The following SLTM variants were observed in gnomAD, a reference collection of about 807,000 sequenced individuals.
The protein encoded by SLTM is SAFB like transcription modulator.
A neutral mutation model predicts 134.6 loss-of-function variants in SLTM; 43 were observed. That is an observed-to-expected ratio of 0.32 (90% CI 0.25 to 0.41). The LOEUF is 0.41. SLTM is among the 10% of genes least tolerant of loss of function. The probability of loss-of-function intolerance (pLI) is 1.00; values close to 1 mark genes in which losing one functional copy is unlikely to be tolerated. For missense variants in SLTM, 1,055 were observed against 1,288.8 expected, an observed-to-expected ratio of 0.82 and a Z score of 2.78; for synonymous variants, 424 against 432.3, an observed-to-expected ratio of 0.98 and a Z score of 0.24.
intron 8 of SLTM, chr15:58,897,471 A>G: frequency 2.6e-6 from 1 of 378,626 alleles, no homozygotes; most frequent in Non-Finnish European, 4.8e-6. Flanking sequence ...AAAAAAATCA[A>G]TTACATGTCT....
chr15:58,921,983 C>CAGGCT (rs1306968767), intron 2 of SLTM, among the ~76,000 whole-genome samples: 1 of 152,012 alleles, frequency 6.6e-6, no homozygotes, highest in Non-Finnish European at 1.5e-5. Context: ...GCATGTTGAC[C>CAGGCT]AGGCTAGTCT....
At chr15:58,884,260 A>G (rs151057673) in intron 19 of SLTM, among the ~76,000 whole-genome samples, 63 of 152,298 alleles carry the variant, frequency 4.1e-4, no homozygotes, top group African/African-American at 1.4e-3. Context: ...TCTATTTTGT[A>G]GTGAGAAGCT....
intron 2 of SLTM, among the ~76,000 whole-genome samples, chr15:58,920,876 AC>A (rs2036994590): frequency 6.6e-6 from 1 of 151,924 alleles, no homozygotes; most frequent in African/African-American, 2.4e-5. Flanking sequence ...AATCCTTTGA[AC>A]CCGGGAGGTG....
intron 20 of SLTM, among the ~76,000 whole-genome samples, chr15:58,882,513 C>T (rs1595816671): frequency 1.3e-5 from 2 of 152,006 alleles, no homozygotes; most frequent in South Asian, 4.1e-4. Context: ...AAACAGACTC[C>T]CTCAAAATAA....
At chr15:58,909,123 G>T (rs887685543) in intron 5 of SLTM, among the ~76,000 whole-genome samples, 6 of 152,144 alleles carry the variant, frequency 3.9e-5, no homozygotes, top group African/African-American at 1.4e-4. Context: ...AAGAAGAAAT[G>T]CCTAATTATA....
chr15:58,926,358 A>G (rs576771683), intron 2 of SLTM, among the ~76,000 whole-genome samples: 21 of 152,290 alleles, frequency 1.4e-4, no homozygotes, highest in African/African-American at 4.3e-4. Flanking sequence ...AAAGGGGGGA[A>G]AAAACCTTTA....
intron 19 of SLTM, among the ~76,000 whole-genome samples, chr15:58,885,241 G>C (rs2034085307): frequency 6.6e-6 from 1 of 152,160 alleles, no homozygotes; most frequent in African/African-American, 2.4e-5. Context: ...GAGATCTATG[G>C]AAAGAGAAAG....
chr15:58,902,064 C>T (rs1478038156), intron 5 of SLTM, among the ~76,000 whole-genome samples: 1 of 152,068 alleles, frequency 6.6e-6, no homozygotes, highest in Admixed American at 6.6e-5. Flanking sequence ...AATGTGCTAG[C>T]TTAAAAACAG....
Position 58,879,895 on chromosome 15 carries a change from G to T in SLTM, c.*104C>A. 2.9e-6 allele frequency: 4 copies of T among 1,363,918 alleles called. No individual in the cohort carries two copies. The highest frequency in any genetic ancestry group is 3.9e-6 in the Non-Finnish European group (4 of 1,026,618). The allele number at this position is 1,363,918 out of a possible 1,614,324, so 84.5% of individuals were successfully genotyped here. On this transcript the variant is annotated 3_prime_UTR_variant, in exon 21 of 21. Coordinates refer to ENST00000380516, the MANE Select transcript of SLTM (RefSeq NM_024755.4). The stretch of plus-strand genomic sequence containing the variant: ...GTTAAATTTTTAAAAAGAAAAGTCT[G>T]ACAGAACTCTCAAGCAAGTCAGAGG...
At chr15:58,921,441 C>T (rs2037037901) in intron 2 of SLTM, 2 of 184,262 alleles carry the variant, frequency 1.1e-5, no homozygotes, top group South Asian at 1.7e-4. Context: ...AAATGTGAGA[C>T]TCACTTGCCC....
chr15:58,908,387 G>C (rs934184984), intron 5 of SLTM, among the ~76,000 whole-genome samples: 1 of 151,960 alleles, frequency 6.6e-6, no homozygotes, highest in Non-Finnish European at 1.5e-5. Flanking sequence ...TGTTTTTTGA[G>C]ATAGGGTCTT....
rs780121631 is a variant in SLTM, at chr15:58,913,484, A to C, written c.513+15T>G. On this transcript the variant is annotated intron_variant, in intron 4 of 20. Transcript: ENST00000380516. ...ATTTATCTGTGTCATGTTTTAAAAA[A>C]AACTGGCTAAAGACCTGACTTTCGA... 5 of 1,581,262 alleles carry C rather than the reference A, an allele frequency of 3.2e-6. No homozygotes were observed. The African/African-American group carries it at 6.8e-5, about 21-fold the overall frequency.
At chr15:58,909,478 G>T (rs1415980359) in intron 5 of SLTM, among the ~76,000 whole-genome samples, 1 of 152,146 alleles carries the variant, frequency 6.6e-6, no homozygotes, top group Admixed American at 6.5e-5. Flanking sequence ...ATACCACTGG[G>T]TAACCAAATA....
intron 14 of SLTM, among the ~76,000 whole-genome samples, chr15:58,890,756 T>C (rs2034584689): frequency 6.6e-6 from 1 of 152,204 alleles, no homozygotes; most frequent in African/African-American, 2.4e-5. Flanking sequence ...ATTAATTAAT[T>C]GACATTTTAG....
chr15:58,914,965 G>A (rs893326870), intron 3 of SLTM, among the ~76,000 whole-genome samples: 5 of 152,180 alleles, frequency 3.3e-5, no homozygotes, highest in African/African-American at 1.2e-4. Flanking sequence ...GGAGGCCGAC[G>A]GGTGGATCAT....
intron 8 of SLTM, 113 bp downstream of exon 8, chr15:58,898,690 T>G (rs1201306873): frequency 1.4e-6 from 1 of 719,750 alleles, no homozygotes; most frequent in African/African-American, 1.8e-5. Context: ...GTTTCTAGTC[T>G]GTCAATAAAA....
At chr15:58,883,160 TA>T (rs1461035954) in intron 20 of SLTM, among the ~76,000 whole-genome samples, 1 of 151,922 alleles carries the variant, frequency 6.6e-6, no homozygotes, top group African/African-American at 2.4e-5. Flanking sequence ...ACTAAAAATA[TA>T]AAAATTAGCT....
chr15:58,899,894 A>G lies in SLTM; in HGVS notation c.633T>C (p.Pro211=). ...SGDGTQEVSK[P]LPSEGSLAEA... is the part of the protein sequence containing the mutation. ...CAGCTAGGCTCCCTTCTGAAGGAAGAGGTTTAGATACTTCTTGTGTACCAT... is the reference window on the plus strand; with the variant it reads ...CAGCTAGGCTCCCTTCTGAAGGAAGGGGTTTAGATACTTCTTGTGTACCAT... The change falls in exon 7 of 21, where the codon CCT becomes CCC. Residue 211 remains proline (P), a synonymous_variant. Transcript: ENST00000380516. The surrounding 1 kb of genome is among the most constrained non-coding windows in gnomAD (Gnocchi z 5.0). 1.2e-6 allele frequency: 2 copies of G among 1,613,922 alleles called. No individual in the cohort carries two copies. The highest frequency in any genetic ancestry group is 1.7e-6 in the Non-Finnish European group (2 of 1,179,922).
At chr15:58,925,571 C>G (rs1370052122) in intron 2 of SLTM, among the ~76,000 whole-genome samples, 1 of 152,152 alleles carries the variant, frequency 6.6e-6, no homozygotes, top group Non-Finnish European at 1.5e-5. Flanking sequence ...CTCCTGACCT[C>G]AAGTGATCCA....
Sources: gnomAD v4.1 joint callset for allele counts (sites outside exome capture counted in the v4.1 genomes callset) on GRCh38, gnomAD v4.1.1 for gene constraint, Gnocchi (gnomAD v3.1) non-coding constraint, MANE v1.5 for transcripts, NCBI Gene and HGNC (gene_info 2026-07-23, HGNC 2026-07-21) for gene names.